The following PRKN variants were observed in gnomAD, a reference collection of about 807,000 sequenced individuals.
PRKN encodes the protein parkin RBR E3 ubiquitin protein ligase.
Under a neutral mutation model 59.5 loss-of-function variants are expected in PRKN, and 56 were observed. The observed-to-expected ratio is 0.94, with a 90% CI of 0.76 to 1.18. PRKN has a LOEUF of 1.18. PRKN is among the 50% of genes most tolerant of loss of function. PRKN has a pLI of 0.00. For synonymous variants in PRKN, 250 were observed against 222.1 expected, an observed-to-expected ratio of 1.13 and a Z score of -1.12; for missense variants, 657 against 596.4, an observed-to-expected ratio of 1.10 and a Z score of -1.06.
chr6:161,570,144 A>ATATATATAT (rs57977814), intron 7 of PRKN, among the ~76,000 whole-genome samples: 2 of 121,788 alleles, frequency 1.6e-5, no homozygotes, highest in African/African-American at 7.4e-5. Context: ...AAAAAAAAAA[A>ATATATATAT]AAATATATAT....
At chr6:161,416,227 C>T (rs1787843396) in intron 9 of PRKN, among the ~76,000 whole-genome samples, 1 of 152,094 alleles carries the variant, frequency 6.6e-6, no homozygotes, top group Admixed American at 6.6e-5. Flanking sequence ...GACCAGTGGC[C>T]CTCAGAGCTA....
chr6:162,514,833 C>G (rs1047881447), intron 1 of PRKN, among the ~76,000 whole-genome samples: 4 of 152,072 alleles, frequency 2.6e-5, no homozygotes, highest in Admixed American at 6.6e-5. Flanking sequence ...ATATTTTAGA[C>G]TAAAATTAGA....
chr6:161,890,426 C>G (rs943306807), intron 6 of PRKN, among the ~76,000 whole-genome samples: 1 of 152,176 alleles, frequency 6.6e-6, no homozygotes, highest in Non-Finnish European at 1.5e-5. Context: ...AGATTTCAGA[C>G]TCTGGGGTTC....
At chr6:162,347,422 G>A (rs9456768) in intron 2 of PRKN, among the ~76,000 whole-genome samples, 6,716 of 151,648 alleles carry the variant, frequency 0.044, 501 homozygotes, top group African/African-American at 0.15. Flanking sequence ...AGTTACTTAA[G>A]AGGTTTTCTT....
rs982036717 is a variant in PRKN, at chr6:161,582,678, C to G, written c.872-13262G>C. ...TGCTGACCTCGTGATCTGCCCGCCT[C>G]GGCCTCCCAAAGTTCTGGGATTACA... On this transcript the variant is annotated intron_variant, in intron 7 of 11. Transcript: ENST00000366898. The surrounding 1 kb of genome is among the most constrained non-coding windows in gnomAD (Gnocchi z 4.4). 6.6e-6 allele frequency among the ~76,000 whole-genome samples: 1 copy of G among 152,018 alleles called. No homozygotes were observed. Among genetic ancestry groups the G allele is most frequent in the Non-Finnish European group, 1.5e-5 (1 of 67,994 alleles).
At chr6:161,485,473 T>C (rs192683332) in intron 9 of PRKN, among the ~76,000 whole-genome samples, 191 of 152,322 alleles carry the variant, frequency 1.3e-3, no homozygotes, top group African/African-American at 4.4e-3. Flanking sequence ...CAACTGGAGT[T>C]AGAAATGAAA....
intron 2 of PRKN, among the ~76,000 whole-genome samples, chr6:162,419,972 G>A (rs1353692276): frequency 6.6e-6 from 1 of 152,168 alleles, no homozygotes; most frequent in East Asian, 1.9e-4. Context: ...ATCAGGGACT[G>A]GTTTCGTGGG....
At chr6:161,769,033 T>C (rs1789548581) in intron 7 of PRKN, among the ~76,000 whole-genome samples, 1 of 152,254 alleles carries the variant, frequency 6.6e-6, no homozygotes, top group South Asian at 2.1e-4. Context: ...TTCCAAGTTA[T>C]TTGTTTTCAC....
chr6:162,183,351 G>A (rs1259538398), intron 4 of PRKN, among the ~76,000 whole-genome samples: 12 of 152,142 alleles, frequency 7.9e-5, no homozygotes, highest in Admixed American at 7.9e-4. Flanking sequence ...TACTGACAGG[G>A]AACTCACACA....
intron 1 of PRKN, among the ~76,000 whole-genome samples, chr6:162,466,027 C>G (rs897978854): frequency 2.6e-5 from 4 of 152,070 alleles, no homozygotes; most frequent in Admixed American, 2.6e-4. Flanking sequence ...ATATCAGAAC[C>G]ACCAATATTT....
At chr6:162,014,608 C>T (rs555958279) in intron 5 of PRKN, among the ~76,000 whole-genome samples, 9 of 152,150 alleles carry the variant, frequency 5.9e-5, no homozygotes, top group Non-Finnish European at 1.3e-4. Context: ...GGAACGGAAG[C>T]GAGCTGGTGC....
intron 3 of PRKN, among the ~76,000 whole-genome samples, chr6:162,218,221 C>A (rs1016507978): frequency 6.6e-6 from 1 of 152,182 alleles, no homozygotes; most frequent in African/African-American, 2.4e-5. Flanking sequence ...CCTGCGGAAG[C>A]CCCTCTGGGG....
At position 161,371,625 on chromosome 6, in the gene PRKN, G is replaced by A. The variant is rs7765200; in HGVS notation, c.1168-11420C>T. Among the ~76,000 whole-genome samples the A allele has an allele frequency of 8.4e-3, 1,281 of 152,004 alleles. 21 individuals are homozygous for A. Among genetic ancestry groups the A allele is most frequent in the African/African-American group, 0.028 (1,177 of 41,460 alleles). On this transcript the variant is annotated intron_variant, in intron 10 of 11. Transcript: ENST00000366898. The surrounding 1 kb of genome is among the most constrained non-coding windows in gnomAD (Gnocchi z 5.5). ...CCATGCTTTAGAATGCAATTCAGAA[G>A]GGCATTTGTTTTTATTTATTTATCT...
intron 5 of PRKN, among the ~76,000 whole-genome samples, chr6:162,026,017 G>A (rs936440718): frequency 6.6e-6 from 1 of 152,148 alleles, no homozygotes; most frequent in African/African-American, 2.4e-5. Flanking sequence ...TTTCTTAGCA[G>A]AACAGACATG....
rs1380971239 is a variant in PRKN, at chr6:161,442,689, C to CG, written c.1084-55813dup. 6.6e-6 allele frequency among the ~76,000 whole-genome samples: 1 copy of CG among 152,174 alleles called. No homozygotes were observed. Among genetic ancestry groups the CG allele is most frequent in the Non-Finnish European group, 1.5e-5 (1 of 68,034 alleles). On this transcript the variant is annotated intron_variant, in intron 9 of 11. Coordinates refer to ENST00000366898, the MANE Select transcript of PRKN (RefSeq NM_004562.3). The surrounding 1 kb of genome is among the most constrained non-coding windows in gnomAD (Gnocchi z 4.6). ...GTGGCTTGGAATTTAGCTGTTCCTT[C>CG]GGGGCCCCGCTTACACACCAACACC... is the stretch of plus-strand genomic sequence containing the variant.
At chr6:162,502,257 C>A (rs533395644) in intron 1 of PRKN, among the ~76,000 whole-genome samples, 1 of 152,292 alleles carries the variant, frequency 6.6e-6, no homozygotes, top group Non-Finnish European at 1.5e-5. Flanking sequence ...ACCTTTTGGG[C>A]TCAAGCGACC....
intron 1 of PRKN, among the ~76,000 whole-genome samples, chr6:162,453,280 C>G (rs1227133099): frequency 6.6e-6 from 1 of 152,072 alleles, no homozygotes; most frequent in Non-Finnish European, 1.5e-5. Flanking sequence ...AGCTTTGGTT[C>G]TTTGACGAGG....
At chr6:161,802,150 T>C (rs1216765132) in intron 6 of PRKN, among the ~76,000 whole-genome samples, 1 of 152,104 alleles carries the variant, frequency 6.6e-6, no homozygotes, top group Admixed American at 6.5e-5. Flanking sequence ...AGAGTCATTA[T>C]TCTCCAAACA....
In PRKN at chr6:161,397,228, T is replaced by C. The variant is rs1786804603; in HGVS notation, c.1084-10351A>G. 6.6e-6 allele frequency among the ~76,000 whole-genome samples: 1 copy of C among 152,200 alleles called. No homozygotes were observed. The highest frequency in any genetic ancestry group is 2.4e-5 in the African/African-American group (1 of 41,436). ...TAGAACATAGTAGGTGATCAGTGTCTCTTTGTGGCAATCCAGGTGCTGGAG... is the reference window on the plus strand; with the variant it reads ...TAGAACATAGTAGGTGATCAGTGTCCCTTTGTGGCAATCCAGGTGCTGGAG... On this transcript the variant is annotated intron_variant, in intron 9 of 11. Transcript: ENST00000366898. The surrounding 1 kb of genome is among the most constrained non-coding windows in gnomAD (Gnocchi z 4.2).
Sources: gnomAD v4.1 joint callset for allele counts (sites outside exome capture counted in the v4.1 genomes callset) on GRCh38, gnomAD v4.1.1 for gene constraint, Gnocchi (gnomAD v3.1) non-coding constraint, MANE v1.5 for transcripts, NCBI Gene and HGNC (gene_info 2026-07-23, HGNC 2026-07-21) for gene names.